The following CORO2B variants were observed in gnomAD, a reference collection of about 807,000 sequenced individuals.
CORO2B encodes coronin 2B, also known as coronin-2B.
Under a neutral mutation model 58.8 loss-of-function variants are expected in CORO2B, and 26 were observed. The observed-to-expected ratio is 0.44, with a 90% CI of 0.32 to 0.61. CORO2B has a LOEUF of 0.61. Ranked by LOEUF, CORO2B falls within the 20% of genes least tolerant of loss-of-function variation. The pLI is 0.04. For missense variants in CORO2B, 460 were observed against 645.1 expected, an observed-to-expected ratio of 0.71 and a Z score of 3.11; for synonymous variants, 242 against 253.8, an observed-to-expected ratio of 0.95 and a Z score of 0.44.
rs545406725 is a variant in CORO2B at position 68,700,005 on chromosome 15, G to A, written c.333+4749G>A. 4.6e-5 allele frequency among the ~76,000 whole-genome samples: 7 copies of A among 152,306 alleles called. No individual in the cohort carries two copies. In the East Asian group the frequency reaches 5.8e-4, roughly 13 times the overall value. On this transcript the variant is annotated intron_variant, in intron 3 of 11. Coordinates refer to ENST00000261861, the MANE Select transcript of CORO2B (RefSeq NM_006091.5). ...GGCATCCCCCGCTGCAGCCTGGGAG[G>A]GGGTGGGGCGTAAAGGAAATGGAGT...
the CORO2B span, among the ~76,000 whole-genome samples, chr15:68,520,582 G>A: frequency 2.6e-5 from 4 of 152,138 alleles, no homozygotes; most frequent in South Asian, 8.3e-4. Context: ...AGTTCACAGG[G>A]TATATTTTTC....
chr15:68,715,327 G>C lies in CORO2B; in HGVS notation c.967+16G>C, dbSNP rs769773459. ...AAAGGCCTAGGTAAGTGGCCCCGAG[G>C]CTGCCACAGCTGGTGTGCTCATGGC... On this transcript the variant is annotated intron_variant, in intron 8 of 11. Coordinates refer to ENST00000261861, the MANE Select transcript of CORO2B (RefSeq NM_006091.5). 6.4e-7 allele frequency: 1 copy of C among 1,571,876 alleles called. No homozygotes were observed. The highest frequency in any genetic ancestry group is 8.8e-7 in the Non-Finnish European group (1 of 1,142,110).
At chr15:68,658,907 C>T (rs921953895) in intron 2 of CORO2B, among the ~76,000 whole-genome samples, 2 of 152,254 alleles carry the variant, frequency 1.3e-5, no homozygotes, top group Non-Finnish European at 2.9e-5. Flanking sequence ...CAGGCACAGG[C>T]GGCTTTGCAG....
chr15:68,668,070 C>A (rs1423106723), intron 2 of CORO2B, among the ~76,000 whole-genome samples: 1 of 152,212 alleles, frequency 6.6e-6, no homozygotes, highest in African/African-American at 2.4e-5. Flanking sequence ...CCACTGAATA[C>A]TCAGCAACCT....
At chr15:68,523,035 G>C in the CORO2B span, among the ~76,000 whole-genome samples, 1 of 152,082 alleles carries the variant, frequency 6.6e-6, no homozygotes, top group Non-Finnish European at 1.5e-5. Flanking sequence ...TCAATCAAGG[G>C]CTGAACTGAC....
At chr15:68,567,034 C>G in the CORO2B span, among the ~76,000 whole-genome samples, 1 of 152,204 alleles carries the variant, frequency 6.6e-6, no homozygotes. Flanking sequence ...CTTCAGTTTT[C>G]TCATCTGTGA....
chr15:68,621,045 A>AGTAAC (rs2140251743), intron 1 of CORO2B, among the ~76,000 whole-genome samples: 1 of 152,342 alleles, frequency 6.6e-6, no homozygotes, highest in South Asian at 2.1e-4. Context: ...CCTGCTGATT[A>AGTAAC]ACGGGTGTGT....
chr15:68,636,984 C>A (rs1901051097), intron 1 of CORO2B, among the ~76,000 whole-genome samples: 1 of 152,174 alleles, frequency 6.6e-6, no homozygotes, highest in African/African-American at 2.4e-5. Context: ...TTTAATTAAT[C>A]TGAATTTAAG....
intron 1 of CORO2B, among the ~76,000 whole-genome samples, chr15:68,600,867 G>A (rs1899964164): frequency 1.3e-5 from 2 of 152,226 alleles, no homozygotes; most frequent in Non-Finnish European, 2.9e-5. Flanking sequence ...TGAGGAGGGA[G>A]AGATGCAAAC....
At chr15:68,562,010 C>T in the CORO2B span, among the ~76,000 whole-genome samples, 9 of 152,274 alleles carry the variant, frequency 5.9e-5, no homozygotes, top group South Asian at 4.1e-4. Flanking sequence ...CTTCTCTACC[C>T]TAAAGGCAGG....
At position 68,610,130 on chromosome 15, in the gene CORO2B, T is replaced by C. The variant is rs541497076; in HGVS notation, c.15+30853T>C. On this transcript the variant is annotated intron_variant, in intron 1 of 11. Coordinates refer to ENST00000261861, the MANE Select transcript of CORO2B (RefSeq NM_006091.5). ...CTCTTAGGTAGTAGGCATTGAACGATGCAGAGATCTCGGGGAAATGGGCCT... is the reference window on the plus strand; with the variant it reads ...CTCTTAGGTAGTAGGCATTGAACGACGCAGAGATCTCGGGGAAATGGGCCT... Among the ~76,000 whole-genome samples the C allele has an allele frequency of 9.8e-5, 15 of 152,324 alleles. No individual in the cohort carries two copies. In the South Asian group the frequency reaches 3.1e-3, roughly 32 times the overall value.
chr15:68,539,337 G>A, the CORO2B span, among the ~76,000 whole-genome samples: 1 of 152,198 alleles, frequency 6.6e-6, no homozygotes, highest in African/African-American at 2.4e-5. Context: ...TTGGAACTGA[G>A]AGTCAGTAAA....
rs550825423 is a variant in CORO2B at position 68,711,230 on chromosome 15, C to G, written c.484-312C>G. Among the ~76,000 whole-genome samples, 10 of 152,204 alleles carry G rather than the reference C, an allele frequency of 6.6e-5. No individual in the cohort carries two copies. The South Asian group carries it at 1.0e-3, about 16-fold the overall frequency. On this transcript the variant is annotated intron_variant, in intron 4 of 11. Transcript: ENST00000261861. ...AGGGCAAAAAGTGGAGCCTCAGCCC[C>G]GAGCCCCAGGCATATCCTCAAAAAA...
chr15:68,720,918 A>C (rs1244381670), intron 11 of CORO2B, among the ~76,000 whole-genome samples: 1 of 152,062 alleles, frequency 6.6e-6, no homozygotes, highest in Non-Finnish European at 1.5e-5. Flanking sequence ...ACAGAGTCTC[A>C]CTCTGTTGCC....
chr15:68,712,505 G>T (rs756169999), intron 5 of CORO2B, among the ~76,000 whole-genome samples: 8 of 152,202 alleles, frequency 5.3e-5, no homozygotes, highest in Non-Finnish European at 1.0e-4. Flanking sequence ...GATGTGGGAA[G>T]CTCAACTAGT....
chr15:68,720,063 C>T (rs1272159218), intron 11 of CORO2B, among the ~76,000 whole-genome samples: 2 of 152,126 alleles, frequency 1.3e-5, no homozygotes, highest in South Asian at 2.1e-4. Context: ...AGCGGTATTT[C>T]GTTCCAGCCC....
At chr15:68,575,017 C>G (rs1374221709), upstream of CORO2B, among the ~76,000 whole-genome samples, 1 of 152,222 alleles carries the variant, frequency 6.6e-6, no homozygotes, top group Non-Finnish European at 1.5e-5. Context: ...TACCCCACCT[C>G]TGAGCTCACC....
At chr15:68,665,110 T>C (rs575286808) in intron 2 of CORO2B, among the ~76,000 whole-genome samples, 2 of 152,326 alleles carry the variant, frequency 1.3e-5, no homozygotes, top group African/African-American at 4.8e-5. Context: ...ACTTTTAGAA[T>C]TTCATTCTTA....
chr15:68,599,391 T>C (rs57796494), intron 1 of CORO2B, among the ~76,000 whole-genome samples: 301 of 152,330 alleles, frequency 2.0e-3, no homozygotes, highest in African/African-American at 6.9e-3. Flanking sequence ...TGCCTGGCCC[T>C]ATAGATGTTC....
Sources: gnomAD v4.1 joint callset for allele counts (sites outside exome capture counted in the v4.1 genomes callset) on GRCh38, gnomAD v4.1.1 for gene constraint, MANE v1.5 for transcripts, NCBI Gene and HGNC (gene_info 2026-07-23, HGNC 2026-07-21) for gene names.